The following CNBD1 variants were observed in gnomAD, a reference collection of about 807,000 sequenced individuals.
The protein encoded by CNBD1 is cyclic nucleotide binding domain containing 1.
A neutral mutation model predicts 54.4 loss-of-function variants in CNBD1; 71 were observed. That is an observed-to-expected ratio of 1.30 (90% CI 1.08 to 1.59). The LOEUF is 1.59. Among genes scored for constraint, CNBD1 ranks in the 40% most tolerant of loss-of-function variants. CNBD1 has a pLI of 0.00. For synonymous variants in CNBD1, 182 were observed against 170.7 expected, an observed-to-expected ratio of 1.07 and a Z score of -0.51; for missense variants, 659 against 518.0, an observed-to-expected ratio of 1.27 and a Z score of -2.64.
chr8:87,328,980 C>G (rs946542552), intron 8 of CNBD1, among the ~76,000 whole-genome samples: 3 of 151,988 alleles, frequency 2.0e-5, no homozygotes, highest in Non-Finnish European at 2.9e-5. Context: ...CCAAGGCCAT[C>G]TAGATTTTCT....
intron 4 of CNBD1, among the ~76,000 whole-genome samples, chr8:87,087,620 C>G (rs566486908): frequency 1.3e-5 from 2 of 151,528 alleles, no homozygotes; most frequent in East Asian, 1.9e-4. Flanking sequence ...CCAGCCACCA[C>G]GCCCGGCTAT....
At chr8:87,095,875 G>A (rs894399817) in intron 4 of CNBD1, among the ~76,000 whole-genome samples, 1 of 152,136 alleles carries the variant, frequency 6.6e-6, no homozygotes, top group African/African-American at 2.4e-5. Flanking sequence ...AGCCAGGATG[G>A]TCTCGATCTC....
At chr8:87,191,426 C>A (rs1813607506) in intron 4 of CNBD1, among the ~76,000 whole-genome samples, 1 of 152,198 alleles carries the variant, frequency 6.6e-6, no homozygotes, top group Non-Finnish European at 1.5e-5. Flanking sequence ...ATTCCACCAA[C>A]TCAAATGTCA....
At chr8:87,111,556 T>A (rs1486562950) in intron 4 of CNBD1, among the ~76,000 whole-genome samples, 1 of 152,192 alleles carries the variant, frequency 6.6e-6, no homozygotes, top group Admixed American at 6.5e-5. Flanking sequence ...CTCAAATAGA[T>A]CTGACCTCTC....
intron 2 of CNBD1, among the ~76,000 whole-genome samples, chr8:86,887,993 T>C (rs560630522): frequency 1.3e-5 from 2 of 152,306 alleles, no homozygotes; most frequent in South Asian, 2.1e-4. Flanking sequence ...GAAATATCAC[T>C]GTTCAAAGCT....
At chr8:86,868,477 G>A (rs186644020) in intron 1 of CNBD1, among the ~76,000 whole-genome samples, 111 of 152,102 alleles carry the variant, frequency 7.3e-4, no homozygotes, top group Middle Eastern at 3.4e-3. Context: ...TGAGTAGCTG[G>A]GACTACAGGT....
intron 2 of CNBD1, among the ~76,000 whole-genome samples, chr8:87,420,789 A>C (rs1222439314): frequency 6.9e-6 from 1 of 144,056 alleles, no homozygotes; most frequent in Non-Finnish European, 1.5e-5. Flanking sequence ...TTTTTTTTTG[A>C]CAGTCGTTGG....
At chr8:86,902,082 A>G (rs1039834578) in intron 2 of CNBD1, among the ~76,000 whole-genome samples, 8 of 152,160 alleles carry the variant, frequency 5.3e-5, no homozygotes, top group Non-Finnish European at 1.2e-4. Flanking sequence ...AAAATGACAA[A>G]TACATTTCTA....
Position 87,351,812 on chromosome 8 carries a change from A to T in CNBD1, c.1152+18A>T. The T allele has an allele frequency of 6.9e-7, 1 of 1,447,432 alleles. No homozygotes were observed. The highest frequency in any genetic ancestry group is 1.5e-5 in the South Asian group (1 of 67,488). 89.7% of individuals were successfully genotyped at this position (1,447,432 alleles called of 1,614,324 possible). A position where few individuals can be genotyped will look rare whatever the true frequency, so the allele number is the denominator to read the frequency against. On this transcript the variant is annotated intron_variant, in intron 9 of 10. Transcript: ENST00000518476. ...ATAAAGTGGTAAGTTTTCAACATGT[A>T]TTCTTTTTAATCAATTAATCTACTC...
At chr8:87,119,209 C>T (rs1291089611) in intron 4 of CNBD1, among the ~76,000 whole-genome samples, 1 of 151,898 alleles carries the variant, frequency 6.6e-6, no homozygotes, top group Non-Finnish European at 1.5e-5. Flanking sequence ...TAATTCTGAT[C>T]CATGACCATC....
At chr8:86,919,191 T>C (rs1158691332) in intron 3 of CNBD1, among the ~76,000 whole-genome samples, 1 of 152,092 alleles carries the variant, frequency 6.6e-6, no homozygotes, top group African/African-American at 2.4e-5. Flanking sequence ...ACACATAGGA[T>C]TCATTCATAT....
intron 4 of CNBD1, among the ~76,000 whole-genome samples, chr8:87,030,531 A>G (rs953067599): frequency 9.9e-5 from 15 of 152,282 alleles, no homozygotes; most frequent in South Asian, 4.1e-4. Context: ...CATGCTACAT[A>G]TCCTTTTGCT....
chr8:86,893,099 T>C (rs1246449803), intron 2 of CNBD1, among the ~76,000 whole-genome samples: 1 of 152,180 alleles, frequency 6.6e-6, no homozygotes, highest in Non-Finnish European at 1.5e-5. Flanking sequence ...GACCACTAGC[T>C]GGCACTCTCA....
chr8:86,918,760 G>A (rs117807908), intron 3 of CNBD1, among the ~76,000 whole-genome samples: 5,268 of 148,586 alleles, frequency 0.035, 123 homozygotes, highest in Non-Finnish European at 0.053. Flanking sequence ...GTCTTTATCT[G>A]CAGTGTGAAA....
intron 4 of CNBD1, among the ~76,000 whole-genome samples, chr8:87,041,830 G>A (rs1810077746): frequency 6.6e-6 from 1 of 152,104 alleles, no homozygotes; most frequent in African/African-American, 2.4e-5. Context: ...TATGGGTATT[G>A]AGCAGGAGAG....
chr8:86,886,989 T>G (rs1322820905), intron 1 of CNBD1, among the ~76,000 whole-genome samples: 1 of 152,178 alleles, frequency 6.6e-6, no homozygotes, highest in African/African-American at 2.4e-5. Flanking sequence ...TTTCTGCTCT[T>G]AAAGACTCCT....
intron 4 of CNBD1, among the ~76,000 whole-genome samples, chr8:86,974,527 T>C (rs1248551209): frequency 6.6e-6 from 1 of 152,070 alleles, no homozygotes; most frequent in Non-Finnish European, 1.5e-5. Context: ...AGAATGGTTG[T>C]AAATTGTAGC....
At chr8:86,948,973 A>T (rs1807538717) in intron 4 of CNBD1, among the ~76,000 whole-genome samples, 1 of 152,196 alleles carries the variant, frequency 6.6e-6, no homozygotes, top group South Asian at 2.1e-4. Flanking sequence ...GCATGTGAAT[A>T]TCTAGTTTTC....
intron 4 of CNBD1, among the ~76,000 whole-genome samples, chr8:87,055,388 C>A (rs1000810892): frequency 2.0e-5 from 3 of 152,176 alleles, no homozygotes; most frequent in Non-Finnish European, 4.4e-5. Flanking sequence ...AGGCACAAAG[C>A]ATAGCTTCTC....
Sources: allele counts gnomAD v4.1 joint callset (sites outside exome capture counted in the v4.1 genomes callset), GRCh38; gene constraint gnomAD v4.1.1; transcripts MANE v1.5; gene names NCBI Gene and HGNC (gene_info 2026-07-23, HGNC 2026-07-21).